The following ADH1C variants were observed in gnomAD, a reference collection of about 807,000 sequenced individuals.
ADH1C encodes the protein alcohol dehydrogenase 1C (class I), gamma polypeptide.
Under a neutral mutation model 35.0 loss-of-function variants are expected in ADH1C, and 26 were observed. The observed-to-expected ratio is 0.74, with a 90% CI of 0.54 to 1.03. ADH1C has a LOEUF of 1.03. Among genes scored for constraint, ADH1C ranks in the 50% least tolerant of loss-of-function variants. The pLI, the probability that ADH1C is intolerant of heterozygous loss-of-function variation, is 0.00. For missense variants in ADH1C, 413 were observed against 465.4 expected, an observed-to-expected ratio of 0.89 and a Z score of 1.04; for synonymous variants, 170 against 169.3, an observed-to-expected ratio of 1.00 and a Z score of -0.03.
intron 1 of ADH1C, among the ~76,000 whole-genome samples, chr4:99,351,574 T>C (rs918078149): frequency 6.6e-6 from 1 of 152,226 alleles, no homozygotes; most frequent in African/African-American, 2.4e-5. Flanking sequence ...TTATTTTCTA[T>C]GAGGAATGTA....
intron 1 of ADH1C, among the ~76,000 whole-genome samples, chr4:99,352,070 A>G (rs1483844641): frequency 6.6e-6 from 1 of 152,166 alleles, no homozygotes; most frequent in Non-Finnish European, 1.5e-5. Context: ...CCCCCTTTAA[A>G]CGGAATTTGA....
chr4:99,351,366 T>C (rs1241512826), intron 1 of ADH1C, among the ~76,000 whole-genome samples: 1 of 152,076 alleles, frequency 6.6e-6, no homozygotes, highest in East Asian at 1.9e-4. Flanking sequence ...TTGAGGAAAA[T>C]AAAATGCAGG....
intron 5 of ADH1C, 52 bp downstream of exon 5, chr4:99,344,810 G>C: frequency 6.2e-7 from 1 of 1,600,894 alleles, no homozygotes. Flanking sequence ...CTTCCCTTTT[G>C]GTTCCTGACA....
intron 8 of ADH1C, among the ~76,000 whole-genome samples, chr4:99,337,703 G>A (rs1006674189): frequency 2.6e-5 from 4 of 151,912 alleles, no homozygotes; most frequent in Admixed American, 6.6e-5. Context: ...TTACGACCTC[G>A]GAGTAATCAT....
intron 1 of ADH1C, among the ~76,000 whole-genome samples, chr4:99,350,675 A>C (rs1463631496): frequency 1.3e-5 from 2 of 152,218 alleles, no homozygotes; most frequent in African/African-American, 2.4e-5. Flanking sequence ...ATATTTTTGC[A>C]ATTGCAAATT....
chr4:99,340,827 A>T, intron 6 of ADH1C, 117 bp from the exon 7 acceptor site: 1 of 1,454,248 alleles, frequency 6.9e-7, no homozygotes, highest in Non-Finnish European at 9.4e-7. Context: ...GGAAGAGATC[A>T]TGTCTTTTGC....
Position 99,336,666 on chromosome 4 carries a change from A to C in ADH1C, c.*86T>G, listed in dbSNP as rs1734283480. On this transcript the variant is annotated 3_prime_UTR_variant, in exon 9 of 9. Transcript: ENST00000515683. ...ATTTTTAACATCTCTGAAGAGCAGA[A>C]TTAATGATATTTCCTAGCTGTTGCT... is the stretch of plus-strand genomic sequence containing the variant. 7 of 1,497,116 alleles carry C rather than the reference A, an allele frequency of 4.7e-6. No individual in the cohort carries two copies. The highest frequency in any genetic ancestry group is 6.5e-6 in the Non-Finnish European group (7 of 1,075,230). The allele number at this position is 1,497,116 out of a possible 1,614,324, so 92.7% of individuals were successfully genotyped here.
intron 1 of ADH1C, among the ~76,000 whole-genome samples, chr4:99,349,514 C>A (rs888650873): frequency 6.6e-6 from 1 of 152,082 alleles, no homozygotes; most frequent in African/African-American, 2.4e-5. Context: ...AGTGTCTGTC[C>A]AAAATACACT....
chr4:99,352,174 A>C (rs899129488), intron 1 of ADH1C, among the ~76,000 whole-genome samples: 1 of 151,862 alleles, frequency 6.6e-6, no homozygotes, highest in Non-Finnish European at 1.5e-5. Flanking sequence ...AGTATATTTC[A>C]AAATCTTCTC....
intron 1 of ADH1C, among the ~76,000 whole-genome samples, chr4:99,348,460 CA>C (rs1734596175): frequency 1.3e-5 from 2 of 151,526 alleles, no homozygotes; most frequent in Admixed American, 1.3e-4. Context: ...ATGAACTCAT[CA>C]TTTTTTATGG....
intron 1 of ADH1C, chr4:99,351,004 G>A (rs1734663666): frequency 6.6e-6 from 1 of 152,148 alleles, no homozygotes; most frequent in South Asian, 2.1e-4. Context: ...CAAGCATGGT[G>A]GCGTGTACCT....
chr4:99,343,264 G>T (rs999553971), intron 5 of ADH1C, among the ~76,000 whole-genome samples: 8 of 152,146 alleles, frequency 5.3e-5, no homozygotes, highest in African/African-American at 1.4e-4. Flanking sequence ...CTGCATATTA[G>T]ATTCATCTGG....
intron 8 of ADH1C, among the ~76,000 whole-genome samples, chr4:99,337,469 T>TCA (rs1173918898): frequency 4.6e-5 from 7 of 152,166 alleles, no homozygotes; most frequent in Non-Finnish European, 7.4e-5. Flanking sequence ...CTAAGCTACT[T>TCA]CATTCTTGTG....
At chr4:99,339,540 A>G in intron 8 of ADH1C, 37 bp downstream of exon 8, 6 of 1,357,954 alleles carry the variant, frequency 4.4e-6, no homozygotes, top group Non-Finnish European at 5.9e-6. Flanking sequence ...GCTACTGTAG[A>G]ATACAAAGCA....
At chr4:99,349,782 G>A (rs945208944) in intron 1 of ADH1C, among the ~76,000 whole-genome samples, 1 of 148,940 alleles carries the variant, frequency 6.7e-6, no homozygotes. Context: ...AGAGGTTAGA[G>A]TTGGTGTTGT....
intron 8 of ADH1C, among the ~76,000 whole-genome samples, chr4:99,337,429 A>G (rs1264011656): frequency 6.6e-6 from 1 of 152,180 alleles, no homozygotes; most frequent in African/African-American, 2.4e-5. Flanking sequence ...GATTCTTAGA[A>G]GTAGAGAATA....
At chr4:99,348,980 T>C (rs1734608870) in intron 1 of ADH1C, among the ~76,000 whole-genome samples, 1 of 145,274 alleles carries the variant, frequency 6.9e-6, no homozygotes, top group South Asian at 2.3e-4. Context: ...GGTTGTTTGT[T>C]TTTTTCTTGT....
At chr4:99,341,854 T>C (rs1384472378) in intron 6 of ADH1C, among the ~76,000 whole-genome samples, 1 of 152,032 alleles carries the variant, frequency 6.6e-6, no homozygotes, top group Non-Finnish European at 1.5e-5. Context: ...TTCATATCAA[T>C]AATGCCAACT....
At chr4:99,350,958 T>C (rs1734662714) in intron 1 of ADH1C, 1 of 152,180 alleles carries the variant, frequency 6.6e-6, no homozygotes, top group African/African-American at 2.4e-5. Context: ...ACCAACATGG[T>C]GAAACCCTGT....
Sources: allele counts gnomAD v4.1 joint callset (sites outside exome capture counted in the v4.1 genomes callset), GRCh38; gene constraint gnomAD v4.1.1; transcripts MANE v1.5; gene names NCBI Gene and HGNC (gene_info 2026-07-23, HGNC 2026-07-21).